The following KAZN variants were observed in gnomAD, a reference collection of about 807,000 sequenced individuals.
KAZN encodes the protein kazrin, periplakin interacting protein.
In KAZN, 40 loss-of-function variants were observed where a neutral mutation model predicts 87.4. The observed-to-expected ratio is 0.46, with a 90% CI of 0.36 to 0.60. The LOEUF (loss-of-function observed/expected upper bound fraction) is 0.60. Among genes scored for constraint, KAZN ranks in the 20% least tolerant of loss-of-function variants. The pLI is 0.00. For synonymous variants in KAZN, 466 were observed against 458.3 expected, an observed-to-expected ratio of 1.02 and a Z score of -0.22; for missense variants, 898 against 1,073.9, an observed-to-expected ratio of 0.84 and a Z score of 2.29.
chr1:14,039,064 G>A (rs377248856), intron 1 of KAZN, among the ~76,000 whole-genome samples: 1 of 151,962 alleles, frequency 6.6e-6, no homozygotes, highest in Non-Finnish European at 1.5e-5. Context: ...CCAGCTACTC[G>A]GGAGGCTAAG....
At chr1:14,453,969 C>CA (rs1407310489) in intron 2 of KAZN, among the ~76,000 whole-genome samples, 1 of 152,066 alleles carries the variant, frequency 6.6e-6, no homozygotes, top group South Asian at 2.1e-4. Flanking sequence ...AAAGGCCTTG[C>CA]AAAAAAGAAC....
intron 1 of KAZN, among the ~76,000 whole-genome samples, chr1:14,794,217 G>A (rs1041430296): frequency 2.0e-5 from 3 of 152,192 alleles, no homozygotes; most frequent in African/African-American, 7.2e-5. Flanking sequence ...TTCATGGAAA[G>A]CGCAGTGGGG....
intron 2 of KAZN, among the ~76,000 whole-genome samples, chr1:14,459,000 C>T (rs1667712702): frequency 6.6e-6 from 1 of 152,068 alleles, no homozygotes; most frequent in South Asian, 2.1e-4. Context: ...TATGGCAACC[C>T]TTGTTTCCTT....
chr1:14,246,591 A>G (rs1322478549), intron 2 of KAZN, among the ~76,000 whole-genome samples: 1 of 152,184 alleles, frequency 6.6e-6, no homozygotes, highest in Non-Finnish European at 1.5e-5. Flanking sequence ...TGTACTCCTG[A>G]CCCAGCTCAA....
chr1:14,177,096 T>C (rs907480354), intron 1 of KAZN, among the ~76,000 whole-genome samples: 5 of 152,108 alleles, frequency 3.3e-5, no homozygotes, highest in African/African-American at 4.8e-5. Context: ...AGGCAGAGGT[T>C]GCAGTGAGCT....
chr1:14,966,368 A>C (rs935956037), intron 2 of KAZN, among the ~76,000 whole-genome samples: 24 of 152,220 alleles, frequency 1.6e-4, no homozygotes, highest in African/African-American at 4.8e-4. Flanking sequence ...ACATTTTTGT[A>C]AAACTCACTG....
chr1:14,342,023 A>G (rs1337693358), intron 2 of KAZN, among the ~76,000 whole-genome samples: 2 of 152,034 alleles, frequency 1.3e-5, no homozygotes, highest in African/African-American at 2.4e-5. Context: ...GTTGCTCCCA[A>G]TGCATGTGTC....
intron 2 of KAZN, among the ~76,000 whole-genome samples, chr1:14,452,861 A>G (rs951526409): frequency 1.6e-4 from 24 of 152,214 alleles, no homozygotes; most frequent in Admixed American, 1.5e-3. Flanking sequence ...ACTCAAATGC[A>G]TACAGGAGCC....
intron 1 of KAZN, among the ~76,000 whole-genome samples, chr1:14,637,930 T>A (rs1485898715): frequency 6.6e-6 from 1 of 152,086 alleles, no homozygotes; most frequent in Admixed American, 6.5e-5. Flanking sequence ...GTTGGCTCAT[T>A]CTGGGAGGTC....
At chr1:14,595,680 CAAAAAAAA>C (rs34080804), upstream of KAZN, among the ~76,000 whole-genome samples, 2 of 96,694 alleles carry the variant, frequency 2.1e-5, no homozygotes, top group African/African-American at 4.5e-5. Context: ...GACTGCGTCT[CAAAAAAAA>C]AAAAAAAAAA....
At chr1:14,828,982 C>A (rs1339662543) in intron 1 of KAZN, among the ~76,000 whole-genome samples, 4 of 152,182 alleles carry the variant, frequency 2.6e-5, no homozygotes, top group Admixed American at 2.6e-4. Flanking sequence ...AGAACAGGGT[C>A]ACATGGCCAC....
chr1:14,629,755 A>T (rs1679424649), intron 1 of KAZN, among the ~76,000 whole-genome samples: 1 of 152,116 alleles, frequency 6.6e-6, no homozygotes, highest in African/African-American at 2.4e-5. Flanking sequence ...GGCACTGAAG[A>T]AGGGTGTGGT....
At position 15,109,937 on chromosome 1, in the gene KAZN, G is replaced by GTGTT. The variant is rs758013389; in HGVS notation, c.2049-2487_2049-2486insTTGT. On this transcript the variant is annotated intron_variant, in intron 13 of 14. Coordinates refer to ENST00000376030, the MANE Select transcript of KAZN (RefSeq NM_201628.3). Reference sequence around the variant, plus strand: ...TGTTTGTGTATGGGTGTGTGTGTGTGTGTGTTTGTGTATGTGTTTGTATAT... The same window carrying GTGTT: ...TGTTTGTGTATGGGTGTGTGTGTGTGTGTTTGTGTTTGTGTATGTGTTTGTATAT... Among the ~76,000 whole-genome samples the GTGTT allele has an allele frequency of 6.6e-3, 924 of 140,550 alleles. 8 individuals carry two copies. Among genetic ancestry groups the GTGTT allele is most frequent in the African/African-American group, 0.022 (865 of 39,076 alleles). 92.2% of individuals were successfully genotyped at this position (140,550 alleles called of 152,430 possible). A position where few individuals can be genotyped will look rare whatever the true frequency, so the allele number is the denominator to read the frequency against.
intron 1 of KAZN, among the ~76,000 whole-genome samples, chr1:14,044,917 A>G (rs1374440817): frequency 6.6e-6 from 1 of 152,084 alleles, no homozygotes; most frequent in African/African-American, 2.4e-5. Context: ...CTGCCGGGGT[A>G]GATCAGACCA....
Position 14,542,712 on chromosome 1 carries a change from C to T in KAZN, c.250-56271C>T, listed in dbSNP as rs553303249. Among the ~76,000 whole-genome samples, 3 of 152,234 alleles carry T rather than the reference C, an allele frequency of 2.0e-5. No homozygotes were observed. In the East Asian group the frequency reaches 5.8e-4, roughly 29 times the overall value. On this transcript the variant is annotated intron_variant, in intron 2 of 16. Transcript: ENST00000636203. ...TCACCCTCCCTACTCTCTACTAGTC[C>T]ACAGTATCTATTGTTCCCATAGTAT...
At chr1:15,078,624 A>G (rs1249835380) in intron 8 of KAZN, among the ~76,000 whole-genome samples, 1 of 152,196 alleles carries the variant, frequency 6.6e-6, no homozygotes, top group Admixed American at 6.5e-5. Context: ...GGGAGAGAAG[A>G]TTAATTCACA....
At chr1:14,185,827 T>C (rs1483369401) in intron 2 of KAZN, among the ~76,000 whole-genome samples, 1 of 152,208 alleles carries the variant, frequency 6.6e-6, no homozygotes, top group African/African-American at 2.4e-5. Context: ...CTAGGGTTTT[T>C]TTAAATTGAT....
intron 2 of KAZN, among the ~76,000 whole-genome samples, chr1:14,414,840 T>C (rs1469107840): frequency 1.3e-4 from 19 of 151,858 alleles, no homozygotes; most frequent in Admixed American, 1.2e-3. Flanking sequence ...GCCTAACCAA[T>C]ATGGTGAAAC....
chr1:14,242,935 G>C (rs1169083532), intron 2 of KAZN, among the ~76,000 whole-genome samples: 1 of 152,124 alleles, frequency 6.6e-6, no homozygotes, highest in Non-Finnish European at 1.5e-5. Context: ...GTAAGAACAG[G>C]TCATACAAGG....
Sources: allele counts gnomAD v4.1 joint callset (sites outside exome capture counted in the v4.1 genomes callset), GRCh38; gene constraint gnomAD v4.1.1; transcripts MANE v1.5; gene names NCBI Gene and HGNC (gene_info 2026-07-23, HGNC 2026-07-21).